Variants in ATG9A observed in about 807,000 individuals in gnomAD.
ATG9A encodes autophagy-related protein 9A.
A neutral mutation model predicts 87.1 loss-of-function variants in ATG9A; 21 were observed. That is an observed-to-expected ratio of 0.24 (90% CI 0.17 to 0.35). ATG9A has a LOEUF of 0.35. Ranked by LOEUF, ATG9A falls within the 10% of genes least tolerant of loss-of-function variation. The pLI, the probability that ATG9A is intolerant of heterozygous loss-of-function variation, is 1.00. For synonymous variants in ATG9A, 422 were observed against 441.3 expected (o/e 0.96, Z 0.55); for missense variants, 836 against 1,107.3 (o/e 0.76, Z 3.48).
chr2:219,226,721 G>A, intron 5 of ATG9A, 148 bp downstream of exon 5: 1 of 699,250 alleles, frequency 1.4e-6, no homozygotes, highest in Non-Finnish European at 2.5e-6. Context: ...AAGTTTTGGT[G>A]CCACACCCAG....
At position 219,222,322 on chromosome 2, in the gene ATG9A, T is replaced by A. The variant is rs2276634; in HGVS notation, c.1977A>T (p.Gln659His). ...ASALRSFSPLQPGQAPTGRAH... is the reference protein window; with the variant it reads ...ASALRSFSPLHPGQAPTGRAH... ...CCCGGCCTGTGGGCGCCTGCCCGGG[T>A]TGCAGCGGGGAGAAGGAGCGCAGGG... is the stretch of plus-strand genomic sequence containing the variant. Residue 659 changes from glutamine (Q) to histidine (H), a missense_variant, in exon 12 of 16, where the codon CAA (glutamine) becomes CAT (histidine). Transcript: ENST00000361242. The surrounding 1 kb of genome is among the most constrained non-coding windows in gnomAD (Gnocchi z 4.3). The A allele has an allele frequency of 1.4e-4, 228 of 1,613,210 alleles. No homozygotes were observed. In the East Asian group the frequency reaches 5.0e-3, roughly 36 times the overall value.
chr2:219,227,654 A>C (rs895588772), intron 4 of ATG9A, 116 bp downstream of exon 4: 3 of 1,213,076 alleles, frequency 2.5e-6, no homozygotes, highest in Non-Finnish European at 3.6e-6. Context: ...CCTCAGGATG[A>C]GCTCCATTCC....
chr2:219,222,216 C>G lies in ATG9A; in HGVS notation c.2028-49G>C. 6.2e-7 allele frequency: 1 copy of G among 1,613,088 alleles called. No individual in the cohort carries two copies. Among genetic ancestry groups the G allele is most frequent in the East Asian group, 2.2e-5 (1 of 44,874 alleles). ...CAGCAGCTGTGAACTTCTCTGAGAC[C>G]CACACAAGCTGCTGAGGGCTGCCGT... On this transcript the variant is annotated intron_variant, in intron 12 of 15. Transcript: ENST00000361242. This position sits in a 1 kb window ranked among gnomAD's most constrained non-coding sequence, Gnocchi z 4.3.
chr2:219,225,288 T>C, intron 6 of ATG9A, 76 bp from the exon 7 acceptor site: 1 of 1,605,666 alleles, frequency 6.2e-7, no homozygotes, highest in South Asian at 1.1e-5. Flanking sequence ...TATCCTGAAG[T>C]ATTTTTGCTA....
chr2:219,223,395 G>T lies in ATG9A; in HGVS notation c.1599+190C>A, dbSNP rs186129156. Among the ~76,000 whole-genome samples the T allele has an allele frequency of 7.9e-5, 12 of 152,248 alleles. No individual in the cohort carries two copies. Among genetic ancestry groups the T allele is most frequent in the Admixed American group, 1.3e-4 (2 of 15,294 alleles). The stretch of plus-strand genomic sequence containing the variant: ...GAGCCACCGCGCCTGGCCGTGTTGT[G>T]CCTTTCTTAAGGGAGCTTGGCCAAG... On this transcript the variant is annotated intron_variant, in intron 10 of 15. Coordinates refer to ENST00000361242, the MANE Select transcript of ATG9A (RefSeq NM_001077198.3). The surrounding 1 kb of genome is among the most constrained non-coding windows in gnomAD (Gnocchi z 4.7).
In ATG9A at chr2:219,224,248, G is replaced by A; in HGVS notation, c.1123C>T (p.Leu375=). The part of the protein sequence containing the change: ...MNCFLSPLLT[L]LAKNGAFFAG... ...AAGAAGGCTCCATTCTTGGCCAGCA[G>A]TGTCAAAAGAGGTGACAAGAAGCAA... The change falls in exon 8 of 16, where the codon CTG becomes TTG. Residue 375 remains leucine, a synonymous_variant. Transcript: ENST00000361242. The surrounding 1 kb of genome is among the most constrained non-coding windows in gnomAD (Gnocchi z 7.7). 6.2e-7 allele frequency: 1 copy of A among 1,613,970 alleles called. No homozygotes were observed. The highest frequency in any genetic ancestry group is 8.5e-7 in the Non-Finnish European group (1 of 1,180,048).
Position 219,221,313 on chromosome 2 carries a change from G to A in ATG9A, c.2146-11C>T, listed in dbSNP as rs1329683681. The A allele has an allele frequency of 1.9e-6, 3 of 1,548,008 alleles. No homozygotes were observed. The Admixed American group carries it at 6.0e-5, about 31-fold the overall frequency. On this transcript the variant is annotated splice_polypyrimidine_tract_variant and intron_variant, in intron 13 of 15. Coordinates refer to ENST00000361242, the MANE Select transcript of ATG9A (RefSeq NM_001077198.3). The stretch of plus-strand genomic sequence containing the variant: ...CTGCTGCTTGTGGAGCTGGAGAAAT[G>A]GGGGGCTCGTTAGTGGGGGACAGAC...
rs140827807 is a variant in ATG9A at position 219,222,651 on chromosome 2, C to T, written c.1842G>A (p.Glu614=). ...LFTSIQSLQS[E]SEPLSLIANV... ...CCAGTCACCAGGAACACACCTCAGA[C>T]TCAGATTGTAAGGACTGGATAGACG... Residue 614 remains glutamate (E), a synonymous_variant, in exon 11 of 16, where the codon GAG becomes GAA. Coordinates refer to ENST00000361242, the MANE Select transcript of ATG9A (RefSeq NM_001077198.3). This position sits in a 1 kb window ranked among gnomAD's most constrained non-coding sequence, Gnocchi z 4.3. The T allele has an allele frequency of 1.9e-5, 31 of 1,614,120 alleles. No homozygotes were observed. The Admixed American group carries it at 3.0e-4, about 16-fold the overall frequency.
rs768570120 is a variant in ATG9A, at chr2:219,224,587, G to C, written c.784C>G (p.Leu262Val). The change falls in exon 8 of 16, where the codon CTG becomes GTG. Residue 262 changes from leucine to valine, a missense_variant. This residue lies in a region of ATG9A where 512 missense variants were observed against 759.6 expected (regional missense o/e 0.67). Coordinates refer to ENST00000361242, the MANE Select transcript of ATG9A (RefSeq NM_001077198.3). The surrounding 1 kb of genome is among the most constrained non-coding windows in gnomAD (Gnocchi z 7.7). ...TTGAGGCTCCATTCATTGAGAAACA[G>C]AGAGCCAGGTCCCCAGAAGAGGATC... ...ELILFWGPGS[L>V]FLNEWSLKAE... 6.2e-7 allele frequency: 1 copy of C among 1,614,190 alleles called. No individual in the cohort carries two copies. The highest frequency in any genetic ancestry group is 8.5e-7 in the Non-Finnish European group (1 of 1,180,044).
intron 13 of ATG9A, among the ~76,000 whole-genome samples, chr2:219,221,646 C>T (rs1013057049): frequency 6.6e-6 from 1 of 151,992 alleles, no homozygotes; most frequent in African/African-American, 2.4e-5. Flanking sequence ...GGCTTATATA[C>T]TGGTAGAGGA....
chr2:219,221,134 G>A lies in ATG9A; in HGVS notation c.2314C>T (p.Pro772Ser). ...YPCAAPRPGA[P>S]ETTALHGGFQ... The stretch of plus-strand genomic sequence containing the variant: ...CCCCCATGCAGGGCAGTGGTCTCAG[G>A]AGCTCCAGGCCGGGGTGCTGCACAG... Residue 772 changes from proline (P) to serine (S), a missense_variant, in exon 14 of 16, where the codon CCT becomes TCT. Physicochemically the swap from Pro to Ser is moderately conservative, Grantham distance 74. This residue lies in a region of ATG9A where 324 missense variants were observed against 347.6 expected (regional missense o/e 0.93). Transcript: ENST00000361242. 1 of 1,612,032 alleles carries A rather than the reference G, an allele frequency of 6.2e-7. No individual in the cohort carries two copies. Among genetic ancestry groups the A allele is most frequent in the Non-Finnish European group, 8.5e-7 (1 of 1,179,104 alleles).
chr2:219,220,794 C>CGGG lies in ATG9A; in HGVS notation c.2464_2466dup (p.Pro822dup). ...TCATCCTCCGAGCCCTCTTCGGGCACGGGCTCAGGGTGCCTTGATGCCGAC... is the reference window on the plus strand; with the variant it reads ...TCATCCTCCGAGCCCTCTTCGGGCACGGGGGGCTCAGGGTGCCTTGATGCCGAC... On this transcript the variant is annotated inframe_insertion, in exon 15 of 16. Transcript: ENST00000361242. 1 of 1,613,446 alleles carries CGGG rather than the reference C, an allele frequency of 6.2e-7. No individual in the cohort carries two copies. The highest frequency in any genetic ancestry group is 8.5e-7 in the Non-Finnish European group (1 of 1,179,974).
chr2:219,221,925 A>G (rs1950768532), intron 13 of ATG9A, 125 bp downstream of exon 13: 4 of 819,804 alleles, frequency 4.9e-6, no homozygotes, highest in Non-Finnish European at 5.7e-6. Context: ...GCTAAAAAGG[A>G]TATTAAGAAG....
rs200537526 is a variant in ATG9A, at chr2:219,224,441, G to C, written c.930C>G (p.Leu310=). Residue 310 remains leucine, a synonymous_variant, in exon 8 of 16, where the codon CTC becomes CTG. Transcript: ENST00000361242. The surrounding 1 kb of genome is among the most constrained non-coding windows in gnomAD (Gnocchi z 7.7). ...LCPLILIWQI[L]YAFFSYAEVL... The stretch of plus-strand genomic sequence containing the variant: ...CCTCAGCATAGCTGAAGAAGGCATA[G>C]AGGATTTGCCATATGAGGATGAGGG... 6 of 1,614,100 alleles carry C rather than the reference G, an allele frequency of 3.7e-6. No individual in the cohort carries two copies. Among genetic ancestry groups the C allele is most frequent in the Admixed American group, 1.7e-5 (1 of 60,012 alleles).
chr2:219,227,658 C>T, intron 4 of ATG9A, 112 bp downstream of exon 4: 3 of 1,275,472 alleles, frequency 2.4e-6, no homozygotes, highest in South Asian at 1.3e-5. Context: ...AGGATGAGCT[C>T]CATTCCCGTT....
At chr2:219,227,190 G>C (rs949562899) in intron 4 of ATG9A, among the ~76,000 whole-genome samples, 2 of 152,246 alleles carry the variant, frequency 1.3e-5, no homozygotes, top group South Asian at 4.1e-4. Flanking sequence ...TGAGTCAAAA[G>C]ACGTTACTTA....
intron 6 of ATG9A, 21 bp from the exon 7 acceptor site, chr2:219,225,233 G>C (rs1950837277): frequency 6.2e-7 from 1 of 1,613,752 alleles, no homozygotes; most frequent in Admixed American, 1.7e-5. Flanking sequence ...AAAAGAAGGG[G>C]AGGAGAGGTG....
intron 15 of ATG9A, 62 bp downstream of exon 15, chr2:219,220,685 C>CT: frequency 6.3e-7 from 1 of 1,588,850 alleles, no homozygotes; most frequent in Non-Finnish European, 8.6e-7. Flanking sequence ...CCCTGAAAAG[C>CT]TGTTACCTCA....
In ATG9A at chr2:219,220,646, CTG is replaced by C. The variant is rs1273192430; in HGVS notation, c.2514+99_2514+100del. The C allele has an allele frequency of 4.0e-6, 6 of 1,518,872 alleles. No individual in the cohort carries two copies. The African/African-American group carries it at 8.3e-5, about 21-fold the overall frequency. The allele number at this position is 1,518,872 out of a possible 1,614,324, so 94.1% of individuals were successfully genotyped here. A position where few individuals can be genotyped will look rare whatever the true frequency, so the allele number is the denominator to read the frequency against. On this transcript the variant is annotated intron_variant, in intron 15 of 15. Transcript: ENST00000361242. ...TTTTGGAAGGGAGGGTACAGTATCT[CTG>C]TGTGGGGGTGGGGCATATCTTCCTT... is the stretch of plus-strand genomic sequence containing the variant.
Sources: gnomAD v4.1 joint callset for allele counts (sites outside exome capture counted in the v4.1 genomes callset) on GRCh38, gnomAD v4.1.1 for gene constraint, gnomAD v4.1.1 regional missense constraint, Gnocchi (gnomAD v3.1) non-coding constraint, MANE v1.5 for transcripts, NCBI Gene and HGNC (gene_info 2026-07-23, HGNC 2026-07-21) for gene names.